INPP4B: variants seen among roughly 807,000 people sequenced by gnomAD.
INPP4B encodes inositol polyphosphate-4-phosphatase type II B.
INPP4B carries 55 observed loss-of-function variants against 122.5 expected under a neutral mutation model. The observed-to-expected ratio is 0.45, with a 90% CI of 0.36 to 0.56. The LOEUF (loss-of-function observed/expected upper bound fraction) is 0.56. Ranked by LOEUF, INPP4B falls within the 20% of genes least tolerant of loss-of-function variation. The pLI, the probability that INPP4B is intolerant of heterozygous loss-of-function variation, is 0.00. For synonymous variants in INPP4B, 403 were observed against 388.7 expected (o/e 1.04, Z -0.43); for missense variants, 1,000 against 1,097.7 (o/e 0.91, Z 1.26).
intron 18 of INPP4B, among the ~76,000 whole-genome samples, chr4:142,138,488 T>A (rs968397676): frequency 2.6e-5 from 4 of 151,646 alleles, no homozygotes; most frequent in African/African-American, 9.7e-5. Context: ...TATACATATG[T>A]AACTAACCTC....
chr4:142,311,181 G>A (rs1210506560), intron 8 of INPP4B, among the ~76,000 whole-genome samples: 1 of 152,112 alleles, frequency 6.6e-6, no homozygotes, highest in Non-Finnish European at 1.5e-5. Context: ...AATATTTTGA[G>A]GATTCGCTGA....
At chr4:142,735,794 T>C (rs1366233940) in intron 1 of INPP4B, among the ~76,000 whole-genome samples, 2 of 152,206 alleles carry the variant, frequency 1.3e-5, no homozygotes, top group Admixed American at 1.3e-4. Flanking sequence ...TTCTATTCTT[T>C]GTATGTCTTT....
intron 2 of INPP4B, among the ~76,000 whole-genome samples, chr4:142,545,364 A>T (rs1829422976): frequency 6.6e-6 from 1 of 152,128 alleles, no homozygotes; most frequent in Non-Finnish European, 1.5e-5. Flanking sequence ...TAATGCTATC[A>T]TACCCATTGT....
chr4:142,768,820 G>C (rs1471608830), intron 1 of INPP4B, among the ~76,000 whole-genome samples: 1 of 152,184 alleles, frequency 6.6e-6, no homozygotes, highest in Non-Finnish European at 1.5e-5. Flanking sequence ...AAGAGGTCAA[G>C]ATGTGGTCAT....
chr4:142,140,829 G>A (rs1195832992), intron 18 of INPP4B, among the ~76,000 whole-genome samples: 1 of 152,178 alleles, frequency 6.6e-6, no homozygotes, highest in Non-Finnish European at 1.5e-5. Flanking sequence ...GATATCAGTA[G>A]AATTAGTTGT....
chr4:142,252,413 C>G (rs989410866), intron 11 of INPP4B, among the ~76,000 whole-genome samples: 22 of 152,088 alleles, frequency 1.4e-4, no homozygotes, highest in African/African-American at 4.3e-4. Context: ...TGGTCTCGAT[C>G]TCCTGACCTC....
intron 1 of INPP4B, among the ~76,000 whole-genome samples, chr4:142,757,164 G>A (rs1171862341): frequency 6.6e-6 from 1 of 152,198 alleles, no homozygotes; most frequent in East Asian, 1.9e-4. Context: ...AAAGTACACA[G>A]AGTTGTCATA....
At chr4:142,602,108 A>T (rs1283889376) in intron 2 of INPP4B, among the ~76,000 whole-genome samples, 4 of 152,132 alleles carry the variant, frequency 2.6e-5, no homozygotes, top group Non-Finnish European at 5.9e-5. Flanking sequence ...AAGCTTCTTA[A>T]GCTGATAAGC....
At chr4:142,133,048 G>A (rs932416468) in intron 18 of INPP4B, among the ~76,000 whole-genome samples, 2 of 152,000 alleles carry the variant, frequency 1.3e-5, no homozygotes, top group Admixed American at 6.6e-5. Flanking sequence ...TTCTAACCCC[G>A]GCTTTCAGGA....
intron 7 of INPP4B, among the ~76,000 whole-genome samples, chr4:142,377,826 A>C (rs1451045865): frequency 6.6e-6 from 1 of 152,094 alleles, no homozygotes; most frequent in Non-Finnish European, 1.5e-5. Context: ...TAGATTTCAA[A>C]TTCAAACAAC....
chr4:142,418,935 T>C (rs1209057534), intron 5 of INPP4B, among the ~76,000 whole-genome samples: 1 of 152,046 alleles, frequency 6.6e-6, no homozygotes, highest in Non-Finnish European at 1.5e-5. Flanking sequence ...GAGTTCACAG[T>C]GGCTTGGAAT....
chr4:142,378,002 A>G lies in INPP4B; in HGVS notation c.372+24936T>C, dbSNP rs973642547. ...TGGAAATACACAGTGTCACTAGGAA[A>G]GAATCCCTGAGTTGAAGAAAAATAT... On this transcript the variant is annotated intron_variant, in intron 7 of 25. Coordinates refer to ENST00000262992, the MANE Select transcript of INPP4B (RefSeq NM_001101669.3). Among the ~76,000 whole-genome samples, 3 of 152,162 alleles carry G rather than the reference A, an allele frequency of 2.0e-5. No homozygotes were observed. The East Asian group carries it at 5.8e-4, about 29-fold the overall frequency.
intron 2 of INPP4B, among the ~76,000 whole-genome samples, chr4:142,642,021 T>C (rs1750595693): frequency 1.3e-5 from 2 of 152,256 alleles, no homozygotes; most frequent in Middle Eastern, 3.2e-3. Context: ...TGACCAGTGA[T>C]GATGAGCATT....
chr4:142,162,858 GT>G (rs1380463711), intron 16 of INPP4B, among the ~76,000 whole-genome samples: 1 of 151,854 alleles, frequency 6.6e-6, no homozygotes, highest in African/African-American at 2.4e-5. Context: ...CTTTCACTTT[GT>G]GTCTGTACTG....
At chr4:142,463,830 A>C (rs1438201425) in intron 2 of INPP4B, among the ~76,000 whole-genome samples, 1 of 152,038 alleles carries the variant, frequency 6.6e-6, no homozygotes, top group Non-Finnish European at 1.5e-5. Context: ...CCCTTCCATC[A>C]TATTTGTAAG....
At chr4:142,151,867 C>T (rs967526857) in intron 17 of INPP4B, among the ~76,000 whole-genome samples, 3 of 151,946 alleles carry the variant, frequency 2.0e-5, no homozygotes, top group Non-Finnish European at 2.9e-5. Context: ...TGCTATATGC[C>T]GGCTCAGCGC....
intron 12 of INPP4B, among the ~76,000 whole-genome samples, chr4:142,229,219 T>C (rs1392930277): frequency 6.6e-6 from 1 of 152,046 alleles, no homozygotes. Context: ...ATGGAGCAGT[T>C]CTATGACAGA....
intron 2 of INPP4B, among the ~76,000 whole-genome samples, chr4:142,539,024 G>C (rs1828620481): frequency 1.3e-5 from 2 of 151,182 alleles, no homozygotes; most frequent in South Asian, 4.2e-4. Flanking sequence ...GTTTAGACTT[G>C]ATCCTGGCCC....
At chr4:142,717,075 G>T (rs574999015) in intron 2 of INPP4B, among the ~76,000 whole-genome samples, 15 of 152,234 alleles carry the variant, frequency 9.9e-5, no homozygotes, top group African/African-American at 3.4e-4. Flanking sequence ...AAGTATTACT[G>T]TCCTTTTTAT....
Sources: gnomAD v4.1 joint callset for allele counts (sites outside exome capture counted in the v4.1 genomes callset) on GRCh38, gnomAD v4.1.1 for gene constraint, MANE v1.5 for transcripts, NCBI Gene and HGNC (gene_info 2026-07-23, HGNC 2026-07-21) for gene names.